RHBDD1: variants seen among roughly 807,000 people sequenced by gnomAD.
The protein encoded by RHBDD1 is rhomboid-related protein 4.
Under a neutral mutation model 36.3 loss-of-function variants are expected in RHBDD1, and 38 were observed. That is an observed-to-expected ratio of 1.05 (90% confidence interval 0.81 to 1.37). The LOEUF (loss-of-function observed/expected upper bound fraction) is 1.37, where lower values mean the gene tolerates loss of function less well. RHBDD1 is among the 40% of genes most tolerant of loss of function. RHBDD1 has a pLI of 0.00. For missense variants in RHBDD1, 393 were observed against 377.6 expected, an observed-to-expected ratio of 1.04 and a Z score of -0.34; for synonymous variants, 151 against 136.5, an observed-to-expected ratio of 1.11 and a Z score of -0.74.
chr2:226,853,150 C>G (rs1260142659), intron 3 of RHBDD1, among the ~76,000 whole-genome samples: 1 of 152,014 alleles, frequency 6.6e-6, no homozygotes, highest in African/African-American at 2.4e-5. Flanking sequence ...TAAAATGAAG[C>G]ATTGTTTTGG....
Position 226,867,265 on chromosome 2 carries a change from G to A in RHBDD1, c.513G>A (p.Pro171=), listed in dbSNP as rs749652821. The change falls in exon 5 of 9, where the codon CCG becomes CCA. Residue 171 remains proline (P), a synonymous_variant. Transcript: ENST00000392062. ...TCAACATTTTGGGCTTTCCTGTACC[G>A]AACAGATTTGCTTGTTGGGTCGAAC... ...GFVNILGFPV[P]NRFACWVELV... 42 of 1,613,358 alleles carry A rather than the reference G, an allele frequency of 2.6e-5. 1 individual carries two copies. The highest frequency in any genetic ancestry group is 1.6e-4 in the Middle Eastern group (1 of 6,084).
chr2:226,850,822 A>G (rs1337814551), intron 3 of RHBDD1, among the ~76,000 whole-genome samples: 1 of 152,200 alleles, frequency 6.6e-6, no homozygotes, highest in Non-Finnish European at 1.5e-5. Context: ...AAGTGTTTGT[A>G]TGCATAAAAG....
the RHBDD1 span, among the ~76,000 whole-genome samples, chr2:226,801,715 C>A: frequency 8.2e-4 from 124 of 151,954 alleles, 3 homozygotes; most frequent in Non-Finnish European, 2.2e-4. Flanking sequence ...TCACAGTGAC[C>A]GAAATTCTGG....
At chr2:226,849,482 T>C (rs917725837) in intron 3 of RHBDD1, among the ~76,000 whole-genome samples, 9 of 152,212 alleles carry the variant, frequency 5.9e-5, no homozygotes, top group African/African-American at 1.7e-4. Context: ...GGCAGGTGTG[T>C]GTCTCAGGCT....
intron 8 of RHBDD1, among the ~76,000 whole-genome samples, chr2:226,965,112 T>C (rs890268170): frequency 2.0e-5 from 3 of 152,026 alleles, no homozygotes; most frequent in African/African-American, 7.2e-5. Context: ...GGTAAGGATC[T>C]CAAGATGAGA....
chr2:226,898,199 G>T (rs1947285390), intron 5 of RHBDD1, among the ~76,000 whole-genome samples: 1 of 152,126 alleles, frequency 6.6e-6, no homozygotes, highest in Admixed American at 6.5e-5. Context: ...AAACCTCAAA[G>T]CCATGGCAGA....
intron 3 of RHBDD1, among the ~76,000 whole-genome samples, chr2:226,846,428 G>GACCAGAATTT (rs1942219858): frequency 6.6e-6 from 1 of 152,096 alleles, no homozygotes; most frequent in African/African-American, 2.4e-5. Flanking sequence ...AAAACTTCCA[G>GACCAGAATTT]CTTTTGTAGG....
chr2:226,882,997 T>G (rs1455471693), intron 5 of RHBDD1, among the ~76,000 whole-genome samples: 1 of 152,156 alleles, frequency 6.6e-6, no homozygotes, highest in Non-Finnish European at 1.5e-5. Flanking sequence ...CCTCCTAACT[T>G]CATCTAAATC....
chr2:226,837,966 C>T (rs1048241146), intron 1 of RHBDD1, 107 bp from the exon 2 acceptor site: 3 of 152,216 alleles, frequency 2.0e-5, no homozygotes, highest in African/African-American at 7.2e-5. Context: ...TAGCAAAGAT[C>T]TCATGTCTAC....
At chr2:226,876,396 GC>G (rs1450304647) in intron 5 of RHBDD1, among the ~76,000 whole-genome samples, 1 of 152,170 alleles carries the variant, frequency 6.6e-6, no homozygotes, top group Non-Finnish European at 1.5e-5. Context: ...CAGTTCATGG[GC>G]CGTATAGGAA....
At chr2:226,970,931 G>C (rs754540066) in intron 8 of RHBDD1, among the ~76,000 whole-genome samples, 1 of 152,160 alleles carries the variant, frequency 6.6e-6, no homozygotes, top group Non-Finnish European at 1.5e-5. Flanking sequence ...ATCATTTCAA[G>C]TGTATTAAAA....
chr2:226,846,394 G>A (rs1433656831), intron 3 of RHBDD1, among the ~76,000 whole-genome samples: 1 of 152,098 alleles, frequency 6.6e-6, no homozygotes, highest in Non-Finnish European at 1.5e-5. Flanking sequence ...AAAAGCATTT[G>A]GTATTTTGAA....
chr2:226,867,194 T>G lies in RHBDD1; in HGVS notation c.442T>G (p.Phe148Val). The G allele has an allele frequency of 6.2e-7, 1 of 1,608,696 alleles. No homozygotes were observed. The highest frequency in any genetic ancestry group is 1.7e-4 in the Middle Eastern group (1 of 6,036). The change falls in exon 5 of 9, where the codon TTT becomes GTT. Residue 148 changes from phenylalanine to valine, a missense_variant. Transcript: ENST00000392062. ...TCTTCATTCTCTTTTAGGAGTTTTG[T>G]TTGCTTTGAAAGTTCTTAACAACCA... Reference protein sequence around the residue: ...SCAVGFSGVLFALKVLNNHYC... With the variant: ...SCAVGFSGVLVALKVLNNHYC...
chr2:226,906,776 G>GTC lies in RHBDD1; in HGVS notation c.567-14_567-13dup, dbSNP rs1333205847. 6.2e-7 allele frequency: 1 copy of GTC among 1,613,854 alleles called. No homozygotes were observed. Among genetic ancestry groups the GTC allele is most frequent in the East Asian group, 2.2e-5 (1 of 44,880 alleles). On this transcript the variant is annotated splice_polypyrimidine_tract_variant and intron_variant, in intron 5 of 8. Transcript: ENST00000392062. ...GCAGCAGAACAAACACTCACAAAGGGTCTCCTTCCCTCCTAGGACTTCCTT... is the reference window on the plus strand; with the variant it reads ...GCAGCAGAACAAACACTCACAAAGGGTCTCTCCTTCCCTCCTAGGACTTCCTT...
intron 8 of RHBDD1, among the ~76,000 whole-genome samples, chr2:226,977,490 C>T (rs1427549042): frequency 1.3e-5 from 2 of 152,128 alleles, no homozygotes; most frequent in Non-Finnish European, 2.9e-5. Context: ...GAAAGGCGAG[C>T]AAAGTTCACA....
chr2:226,979,911 A>G (rs1473405037), intron 8 of RHBDD1, among the ~76,000 whole-genome samples: 1 of 152,204 alleles, frequency 6.6e-6, no homozygotes, highest in African/African-American at 2.4e-5. Flanking sequence ...GGACAGATAG[A>G]GAACAATGGA....
intron 8 of RHBDD1, among the ~76,000 whole-genome samples, chr2:226,926,859 T>G (rs2149077524): frequency 6.6e-6 from 1 of 152,332 alleles, no homozygotes; most frequent in South Asian, 2.1e-4. Context: ...TGGTGATCTT[T>G]TTTTACAAGG....
intron 8 of RHBDD1, among the ~76,000 whole-genome samples, chr2:226,930,415 A>G (rs764907394): frequency 6.6e-6 from 1 of 152,098 alleles, no homozygotes; most frequent in Non-Finnish European, 1.5e-5. Context: ...TGGACACCCT[A>G]TTCAATAAAT....
In RHBDD1 at chr2:226,911,611, T is replaced by C. The variant is rs551705162; in HGVS notation, c.713-2597T>C. Among the ~76,000 whole-genome samples the C allele has an allele frequency of 5.2e-4, 79 of 151,116 alleles. 3 individuals are homozygous for C. In the Middle Eastern group the frequency reaches 0.024, roughly 46 times the overall value. On this transcript the variant is annotated intron_variant, in intron 7 of 8. Coordinates refer to ENST00000392062, the MANE Select transcript of RHBDD1 (RefSeq NM_001167608.3). ...GTGTAAAAACACTACCACAGTCTCC[T>C]TTACTCTCAAGGTCTGAAACTGGCT...
Sources: allele counts gnomAD v4.1 joint callset (sites outside exome capture counted in the v4.1 genomes callset), GRCh38; gene constraint gnomAD v4.1.1; transcripts MANE v1.5; gene names NCBI Gene and HGNC (gene_info 2026-07-23, HGNC 2026-07-21).